Variants in PRKD2 observed in about 807,000 individuals in gnomAD.
PRKD2 encodes the protein serine/threonine-protein kinase D2.
A neutral mutation model predicts 86.0 loss-of-function variants in PRKD2; 22 were observed. The ratio of observed to expected loss-of-function variants is 0.26; its 90% confidence interval spans 0.18 to 0.37. PRKD2 has a LOEUF of 0.37. Among genes scored for constraint, PRKD2 ranks in the 10% least tolerant of loss-of-function variants. The pLI is 1.00. For synonymous variants in PRKD2, 509 were observed against 510.9 expected, an observed-to-expected ratio of 1.00 and a Z score of 0.05; for missense variants, 818 against 1,199.2, an observed-to-expected ratio of 0.68 and a Z score of 4.70.
chr19:46,687,842 G>C (rs2053423489), intron 14 of PRKD2, among the ~76,000 whole-genome samples: 1 of 152,040 alleles, frequency 6.6e-6, no homozygotes, highest in African/African-American at 2.4e-5. Flanking sequence ...ATGAATGAAT[G>C]AGAGAAAAAG....
At chr19:46,705,154 C>G (rs1361234848) in intron 3 of PRKD2, among the ~76,000 whole-genome samples, 1 of 152,004 alleles carries the variant, frequency 6.6e-6, no homozygotes, top group Non-Finnish European at 1.5e-5. Flanking sequence ...CGCCTCACAC[C>G]CCACCTTTTC....
chr19:46,691,169 C>CGG (rs2053478462), intron 12 of PRKD2, among the ~76,000 whole-genome samples: 1 of 151,998 alleles, frequency 6.6e-6, no homozygotes, highest in African/African-American at 2.4e-5. Context: ...ATTTACCACC[C>CGG]GCCCCATACA....
chr19:46,713,611 C>T (rs185996033), intron 2 of PRKD2, among the ~76,000 whole-genome samples: 171 of 151,704 alleles, frequency 1.1e-3, no homozygotes, highest in African/African-American at 4.0e-3. Context: ...GCCCCCAACT[C>T]TCCTTATTTT....
At chr19:46,680,364 C>G (rs1346285208) in intron 15 of PRKD2, among the ~76,000 whole-genome samples, 1 of 150,654 alleles carries the variant, frequency 6.6e-6, no homozygotes, top group Non-Finnish European at 1.5e-5. Flanking sequence ...CTCGGCTCAC[C>G]GCAACCTCCA....
In PRKD2 at chr19:46,690,693, C is replaced by A. The variant is rs1173012563; in HGVS notation, c.1716G>T (p.Lys572Asn). The change falls in exon 13 of 18, where the codon AAG (lysine) becomes AAT (asparagine). Residue 572 changes from lysine (K) to asparagine (N), a missense_variant. Lys to Asn is a moderately conservative substitution (Grantham distance 94). Transcript: ENST00000291281. ...CCTTAACTGCCACGTCCCGGCCTGTCTTCCGGTGTTTTCCTGCACAGGGAG... is the reference window on the plus strand; with the variant it reads ...CCTTAACTGCCACGTCCCGGCCTGTATTCCGGTGTTTTCCTGCACAGGGAG... ...FGVVYGGKHR[K>N]TGRDVAVKVI... The A allele has an allele frequency of 1.2e-6, 2 of 1,613,980 alleles. No homozygotes were observed. The highest frequency in any genetic ancestry group is 1.7e-6 in the Non-Finnish European group (2 of 1,180,012).
intron 12 of PRKD2, 141 bp from the exon 13 acceptor site, chr19:46,690,847 C>A: frequency 3.1e-6 from 2 of 655,734 alleles, no homozygotes; most frequent in Non-Finnish European, 5.3e-6. Flanking sequence ...CCAGGAGATA[C>A]GTGAAAAGGC....
At chr19:46,680,477 C>T (rs1309158315) in intron 15 of PRKD2, among the ~76,000 whole-genome samples, 4 of 151,884 alleles carry the variant, frequency 2.6e-5, no homozygotes, top group East Asian at 1.9e-4. Flanking sequence ...TTAGTAGAGA[C>T]GGGGTTTCGC....
chr19:46,694,140 G>A lies in PRKD2; in HGVS notation c.1318-7C>T, dbSNP rs751964830. 70 of 1,612,950 alleles carry A rather than the reference G, an allele frequency of 4.3e-5. No homozygotes were observed. Among genetic ancestry groups the A allele is most frequent in the Non-Finnish European group, 5.8e-5 (68 of 1,179,238 alleles). On this transcript the variant is annotated splice_polypyrimidine_tract_variant and splice_region_variant and intron_variant, in intron 9 of 17. Transcript: ENST00000291281. ...TTTCTGACAGCGGAATTTCCTGCAG[G>A]ACGTGGAACCAGCACAGGTGAGGAT...
intron 13 of PRKD2, 45 bp downstream of exon 13, chr19:46,690,555 C>G: frequency 6.3e-7 from 1 of 1,582,100 alleles, no homozygotes; most frequent in Non-Finnish European, 8.7e-7. Context: ...GGTCAGCTGG[C>G]CCATGAAAGG....
chr19:46,694,559 C>T (rs2053529987), intron 9 of PRKD2, among the ~76,000 whole-genome samples: 2 of 152,106 alleles, frequency 1.3e-5, no homozygotes, highest in Admixed American at 1.3e-4. Context: ...CGCACCACTG[C>T]ACTCCAGCCT....
chr19:46,713,766 C>T (rs1003525439), intron 2 of PRKD2, 97 bp downstream of exon 2: 12 of 1,177,786 alleles, frequency 1.0e-5, no homozygotes, highest in Middle Eastern at 3.0e-4. Flanking sequence ...CCACTACACC[C>T]GGCCTCTCCT....
intron 3 of PRKD2, among the ~76,000 whole-genome samples, chr19:46,707,074 A>G (rs1201940171): frequency 6.6e-6 from 1 of 151,938 alleles, no homozygotes; most frequent in Non-Finnish European, 1.5e-5. Flanking sequence ...TTCTAGTTTT[A>G]GTAGAGACAG....
At chr19:46,688,395 AT>A (rs1028936094) in intron 14 of PRKD2, among the ~76,000 whole-genome samples, 8 of 148,644 alleles carry the variant, frequency 5.4e-5, no homozygotes, top group African/African-American at 1.7e-4. Flanking sequence ...CCGCTAGTCT[AT>A]TTTTTTCTAT....
chr19:46,698,893 C>T (rs1001605631), intron 7 of PRKD2, among the ~76,000 whole-genome samples: 15 of 152,154 alleles, frequency 9.9e-5, no homozygotes, highest in African/African-American at 3.6e-4. Flanking sequence ...TGGGCTGCCT[C>T]TCCCCACACC....
chr19:46,701,013 C>T, intron 6 of PRKD2, 22 bp downstream of exon 6: 1 of 1,614,206 alleles, frequency 6.2e-7, no homozygotes, highest in East Asian at 2.2e-5. Flanking sequence ...CCTTTCTCCC[C>T]AGCATCCCCC....
intron 3 of PRKD2, 88 bp from the exon 4 acceptor site, chr19:46,704,737 T>G: frequency 1.3e-6 from 2 of 1,483,156 alleles, no homozygotes; most frequent in Non-Finnish European, 1.8e-6. Flanking sequence ...ACCCAATCTC[T>G]CACCTGGTCC....
intron 3 of PRKD2, among the ~76,000 whole-genome samples, chr19:46,705,510 C>T (rs1037605629): frequency 2.6e-5 from 4 of 152,102 alleles, no homozygotes; most frequent in African/African-American, 9.7e-5. Context: ...GTGTGGGCCA[C>T]GCATGGTGGC....
Position 46,716,424 on chromosome 19 carries a change from GCCCCGGGGGA to G in PRKD2, c.-64_-55del. On this transcript the variant is annotated 5_prime_UTR_variant, in exon 1 of 18. Transcript: ENST00000291281. This position sits in a 1 kb window ranked among gnomAD's most constrained non-coding sequence, Gnocchi z 7.9. ...AGCCCACCCGGGACCCGGCCGGGGG[GCCCCGGGGGA>G]CCCTGGGTTCTAGATCCGCGGGATC... 2 of 1,177,896 alleles carry G rather than the reference GCCCCGGGGGA, an allele frequency of 1.7e-6. No homozygotes were observed. Among genetic ancestry groups the G allele is most frequent in the East Asian group, 3.1e-5 (1 of 32,232 alleles). The allele number at this position is 1,177,896 out of a possible 1,614,324, so 73.0% of individuals were successfully genotyped here.
intron 1 of PRKD2, among the ~76,000 whole-genome samples, chr19:46,715,746 GC>G (rs1448187476): frequency 6.6e-6 from 1 of 151,884 alleles, no homozygotes; most frequent in Non-Finnish European, 1.5e-5. Flanking sequence ...ACCATGGCCA[GC>G]CCGGGTTCAA....
Sources: gnomAD v4.1 joint callset for allele counts (sites outside exome capture counted in the v4.1 genomes callset) on GRCh38, gnomAD v4.1.1 for gene constraint, Gnocchi (gnomAD v3.1) non-coding constraint, MANE v1.5 for transcripts, NCBI Gene and HGNC (gene_info 2026-07-23, HGNC 2026-07-21) for gene names.